Variants in CLSTN1 observed in about 807,000 individuals in gnomAD.
The protein encoded by CLSTN1 is calsyntenin 1.
CLSTN1 carries 28 observed loss-of-function variants against 108.3 expected under a neutral mutation model. The ratio of observed to expected loss-of-function variants is 0.26; its 90% confidence interval spans 0.19 to 0.35. CLSTN1 has a LOEUF of 0.35. Among genes scored for constraint, CLSTN1 ranks in the 10% least tolerant of loss-of-function variants. The pLI is 1.00. For missense variants in CLSTN1, 1,157 were observed against 1,302.6 expected (o/e 0.89, Z 1.72); for synonymous variants, 524 against 534.9 (o/e 0.98, Z 0.28).
intron 2 of CLSTN1, among the ~76,000 whole-genome samples, chr1:9,772,772 T>C (rs1463970089): frequency 6.6e-6 from 1 of 152,192 alleles, no homozygotes; most frequent in African/African-American, 2.4e-5. Flanking sequence ...GCCAAAAGCA[T>C]TCCTCTATAA....
chr1:9,822,985 T>C (rs968149326), intron 1 of CLSTN1, among the ~76,000 whole-genome samples: 1 of 152,086 alleles, frequency 6.6e-6, no homozygotes, highest in African/African-American at 2.4e-5. Context: ...GATTTCACCT[T>C]TGGGTGAAAA....
intron 10 of CLSTN1, among the ~76,000 whole-genome samples, chr1:9,740,262 G>A (rs998321513): frequency 2.6e-5 from 4 of 151,922 alleles, no homozygotes; most frequent in Non-Finnish European, 5.9e-5. Context: ...GTTTCACCAC[G>A]TTGGCCAGGC....
Position 9,743,972 on chromosome 1 carries a change from T to C in CLSTN1, c.1268A>G (p.His423Arg). 16 of 1,614,130 alleles carry C rather than the reference T, an allele frequency of 9.9e-6. No individual in the cohort carries two copies. Among genetic ancestry groups the C allele is most frequent in the Non-Finnish European group, 1.4e-5 (16 of 1,180,010 alleles). Residue 423 changes from histidine (H) to arginine (R), a missense_variant, in exon 9 of 19, where the codon CAC becomes CGC. Physicochemically the swap from His to Arg is conservative, Grantham distance 29. Transcript: ENST00000377298. ...GAAGAGGAAGATCAGCCGGCACCCG[T>C]GGACATAGAGGGAGTAGTGGTGCCG... ...MNRHHYSLYV[H>R]GCRLIFLFRQ...
In CLSTN1 at chr1:9,755,222, C is replaced by T. The variant is rs758125751; in HGVS notation, c.332G>A (p.Arg111His). The change falls in exon 4 of 19, where the codon CGC (arginine) becomes CAC (histidine). Residue 111 changes from arginine (R) to histidine (H), a missense_variant. Physicochemically the swap from Arg to His is conservative, Grantham distance 29. Transcript: ENST00000377298. ...VDKSTGEGVI[R>H]SKEKLDCELQ... is the part of the protein sequence containing the mutation. ...CTCACAGTCCAGTTTCTCTTTGGAG[C>T]GAATGACTCCCTCACCAGTGGATTT... 1.5e-5 allele frequency: 25 copies of T among 1,613,942 alleles called. No homozygotes were observed. The highest frequency in any genetic ancestry group is 9.3e-5 in the African/African-American group (7 of 74,906).
At chr1:9,733,276 G>A in intron 16 of CLSTN1, 125 bp downstream of exon 16, 2 of 1,205,286 alleles carry the variant, frequency 1.7e-6, no homozygotes, top group Non-Finnish European at 2.4e-6. Context: ...CGACCCCCTA[G>A]AATGAGCCTG....
intron 1 of CLSTN1, among the ~76,000 whole-genome samples, chr1:9,807,332 G>A (rs1486935285): frequency 1.3e-5 from 2 of 152,022 alleles, no homozygotes; most frequent in Non-Finnish European, 2.9e-5. Context: ...ACCATTAGAA[G>A]TCACTACACG....
In CLSTN1 at chr1:9,730,630, C is replaced by T. The variant is rs1570427204; in HGVS notation, c.2824G>A (p.Glu942Lys). The change falls in exon 19 of 19, where the codon GAG becomes AAG. Residue 942 changes from glutamate (E) to lysine (K), a missense_variant. Physicochemically the swap from Glu to Lys is moderately conservative, Grantham distance 56. Coordinates refer to ENST00000377298, the MANE Select transcript of CLSTN1 (RefSeq NM_001009566.3). The surrounding 1 kb of genome is among the most constrained non-coding windows in gnomAD (Gnocchi z 5.6). ...EEEESEDGEE[E>K]DDITSAESES... ...GACTCGGCGCTGGTGATGTCATCCTCTTCTTCGCCGTCCTCGCTTTCCTCT... is the reference window on the plus strand; with the variant it reads ...GACTCGGCGCTGGTGATGTCATCCTTTTCTTCGCCGTCCTCGCTTTCCTCT... 6.2e-7 allele frequency: 1 copy of T among 1,610,542 alleles called. No individual in the cohort carries two copies. Among genetic ancestry groups the T allele is most frequent in the Admixed American group, 1.7e-5 (1 of 60,008 alleles).
At chr1:9,821,958 T>G (rs1238797171) in intron 1 of CLSTN1, among the ~76,000 whole-genome samples, 1 of 152,210 alleles carries the variant, frequency 6.6e-6, no homozygotes, top group Non-Finnish European at 1.5e-5. Context: ...ATGAAGATAT[T>G]CAAAGTTGAA....
intron 2 of CLSTN1, among the ~76,000 whole-genome samples, chr1:9,772,140 CTTTTTTTTTTTT>C (rs57522417): frequency 9.7e-5 from 3 of 30,918 alleles, no homozygotes; most frequent in Non-Finnish European, 1.6e-4. Context: ...CCACACCCGG[CTTTTTTTTTTTT>C]TTTTTTTTTT....
chr1:9,815,247 A>T (rs1654924151), intron 1 of CLSTN1, among the ~76,000 whole-genome samples: 2 of 148,760 alleles, frequency 1.3e-5, no homozygotes, highest in African/African-American at 2.6e-5. Context: ...AATGTTTTTA[A>T]GAAAAGGGTT....
chr1:9,766,692 A>T (rs1315976323), intron 2 of CLSTN1, among the ~76,000 whole-genome samples: 1 of 152,172 alleles, frequency 6.6e-6, no homozygotes, highest in Non-Finnish European at 1.5e-5. Flanking sequence ...AAATACAAAA[A>T]TTGTTTTCTG....
chr1:9,818,319 T>C (rs1194159559), intron 1 of CLSTN1, among the ~76,000 whole-genome samples: 2 of 151,340 alleles, frequency 1.3e-5, no homozygotes, highest in Non-Finnish European at 2.9e-5. Context: ...CGTTTGGGTT[T>C]TTTTTTGTTT....
rs149372022 is a variant in CLSTN1, at chr1:9,737,431, C to T, written c.1576+67G>A. The T allele has an allele frequency of 2.3e-4, 328 of 1,444,496 alleles. 2 individuals carry two copies. The East Asian group carries it at 3.8e-3, about 17-fold the overall frequency. The allele number at this position is 1,444,496 out of a possible 1,614,324, so 89.5% of individuals were successfully genotyped here. On this transcript the variant is annotated intron_variant, in intron 11 of 18. Transcript: ENST00000377298. ...TGCAACTGGGGCGTTTCATGCGACA[C>T]GTGGAATGAATCAGTCTCATCTTTA...
At chr1:9,768,391 G>C (rs1221377671) in intron 2 of CLSTN1, among the ~76,000 whole-genome samples, 1 of 133,494 alleles carries the variant, frequency 7.5e-6, no homozygotes, top group East Asian at 2.4e-4. Context: ...CATGGGGGCG[G>C]GATTCTGTGT....
In CLSTN1 at chr1:9,731,187, G is replaced by A; in HGVS notation, c.2748+19C>T. On this transcript the variant is annotated intron_variant, in intron 18 of 18. Coordinates refer to ENST00000377298, the MANE Select transcript of CLSTN1 (RefSeq NM_001009566.3). ...CCTGTGCTGCCTCTCAGTCCTGGAG[G>A]TCGCCCGCCCACTCCTACCTCCATG... The A allele has an allele frequency of 1.2e-6, 2 of 1,613,992 alleles. No individual in the cohort carries two copies. The highest frequency in any genetic ancestry group is 8.5e-7 in the Non-Finnish European group (1 of 1,180,000).
chr1:9,775,046 T>C (rs1181739416), intron 1 of CLSTN1, among the ~76,000 whole-genome samples: 1 of 152,158 alleles, frequency 6.6e-6, no homozygotes, highest in Non-Finnish European at 1.5e-5. Flanking sequence ...TAGTGTATAA[T>C]GAGCAGTGAG....
rs1478121663 is a variant in CLSTN1 at position 9,737,826 on chromosome 1, G to T, written c.1520-272C>A. On this transcript the variant is annotated intron_variant, in intron 10 of 18. Transcript: ENST00000377298. ...ACATATGTTAGATTCAAAATAAGAT[G>T]AATGAAAGCACACACATGGAATTCG... Among the ~76,000 whole-genome samples, 3 of 152,110 alleles carry T rather than the reference G, an allele frequency of 2.0e-5. No individual in the cohort carries two copies. The East Asian group carries it at 5.8e-4, about 29-fold the overall frequency.
intron 2 of CLSTN1, among the ~76,000 whole-genome samples, chr1:9,765,868 C>T (rs2101138921): frequency 6.6e-6 from 1 of 152,144 alleles, no homozygotes; most frequent in South Asian, 2.1e-4. Flanking sequence ...CACAGCGAGA[C>T]TCTGTCTCAA....
intron 4 of CLSTN1, among the ~76,000 whole-genome samples, chr1:9,751,987 T>C (rs1304155963): frequency 6.6e-6 from 1 of 151,694 alleles, no homozygotes; most frequent in African/African-American, 2.4e-5. Flanking sequence ...TTTGACAATA[T>C]GGGACAAGAC....
Sources: allele counts gnomAD v4.1 joint callset (sites outside exome capture counted in the v4.1 genomes callset), GRCh38; gene constraint gnomAD v4.1.1; non-coding constraint Gnocchi (gnomAD v3.1); transcripts MANE v1.5; gene names NCBI Gene and HGNC (gene_info 2026-07-23, HGNC 2026-07-21).